The following FAM20A variants were observed in gnomAD, a reference collection of about 807,000 sequenced individuals.
FAM20A encodes pseudokinase FAM20A.
FAM20A carries 42 observed loss-of-function variants against 52.0 expected under a neutral mutation model. That is an observed-to-expected ratio of 0.81 (90% CI 0.63 to 1.04). The LOEUF is 1.04. FAM20A is among the 50% of genes least tolerant of loss of function. The pLI is 0.00. For missense variants in FAM20A, 742 were observed against 712.7 expected, an observed-to-expected ratio of 1.04 and a Z score of -0.47; for synonymous variants, 304 against 298.9, an observed-to-expected ratio of 1.02 and a Z score of -0.18.
chr17:68,549,638 C>G (rs2086740713), intron 4 of FAM20A, among the ~76,000 whole-genome samples: 1 of 152,162 alleles, frequency 6.6e-6, no homozygotes, highest in Non-Finnish European at 1.5e-5. Context: ...TCCTGTTTCT[C>G]TATCAGTATT....
intron 9 of FAM20A, 126 bp from the exon 10 acceptor site, chr17:68,539,522 T>C: frequency 1.2e-6 from 1 of 831,596 alleles, no homozygotes; most frequent in East Asian, 2.5e-5. Context: ...TCATGGCAGC[T>C]GCCTCTCCAG....
Position 68,550,712 on chromosome 17 carries a change from G to C in FAM20A, c.719+1161C>G, listed in dbSNP as rs1324426075. On this transcript the variant is annotated intron_variant, in intron 4 of 10. Coordinates refer to ENST00000592554, the MANE Select transcript of FAM20A (RefSeq NM_017565.4). Reference sequence around the variant, plus strand: ...CTCTTTATACGGCAGTGGTTCTCAAGGTTGCCTGGGCCTTGGGATCACGGG... The same window carrying C: ...CTCTTTATACGGCAGTGGTTCTCAACGTTGCCTGGGCCTTGGGATCACGGG... Among the ~76,000 whole-genome samples the C allele has an allele frequency of 2.0e-5, 3 of 152,148 alleles. No homozygotes were observed. In the East Asian group the frequency reaches 5.8e-4, roughly 29 times the overall value.
intron 9 of FAM20A, among the ~76,000 whole-genome samples, 185 bp from the exon 10 acceptor site, chr17:68,539,581 G>A (rs1232587506): frequency 1.3e-5 from 2 of 152,230 alleles, no homozygotes; most frequent in Non-Finnish European, 2.9e-5. Flanking sequence ...AGATGTTAGA[G>A]CTAAGCAATC....
chr17:68,567,226 A>G (rs1458714796), intron 1 of FAM20A, among the ~76,000 whole-genome samples: 1 of 151,914 alleles, frequency 6.6e-6, no homozygotes, highest in Non-Finnish European at 1.5e-5. Context: ...ACCTGCTGTT[A>G]TTGCACGAAA....
intron 3 of FAM20A, among the ~76,000 whole-genome samples, chr17:68,553,745 C>T (rs982985598): frequency 6.4e-4 from 95 of 149,586 alleles, no homozygotes; most frequent in African/African-American, 2.3e-3. Context: ...CATATATATA[C>T]ACATATATAT....
At chr17:68,569,332 A>G (rs1218071385) in intron 1 of FAM20A, among the ~76,000 whole-genome samples, 1 of 152,104 alleles carries the variant, frequency 6.6e-6, no homozygotes, top group Non-Finnish European at 1.5e-5. Context: ...CCATCACCCT[A>G]GCCTGTCACC....
intron 1 of FAM20A, among the ~76,000 whole-genome samples, chr17:68,583,233 T>C (rs1443232279): frequency 6.6e-6 from 1 of 152,196 alleles, no homozygotes; most frequent in Non-Finnish European, 1.5e-5. Context: ...ATCTTTCTAT[T>C]AGTTTTCTGT....
At chr17:68,587,015 C>T (rs1433010511) in intron 1 of FAM20A, among the ~76,000 whole-genome samples, 1 of 152,122 alleles carries the variant, frequency 6.6e-6, no homozygotes, top group Non-Finnish European at 1.5e-5. Context: ...CTCAGCCTCC[C>T]GAGTAGCTGG....
At chr17:68,553,164 C>T (rs1047345634) in intron 3 of FAM20A, among the ~76,000 whole-genome samples, 2 of 152,086 alleles carry the variant, frequency 1.3e-5, no homozygotes, top group Non-Finnish European at 2.9e-5. Context: ...TGAGTTCTCA[C>T]GAGATCTCAT....
intron 4 of FAM20A, among the ~76,000 whole-genome samples, chr17:68,546,056 C>T (rs1248496901): frequency 1.3e-5 from 2 of 151,250 alleles, no homozygotes; most frequent in Non-Finnish European, 2.9e-5. Flanking sequence ...GTAGTCCCAG[C>T]TACTTGGGAG....
At chr17:68,540,759 C>T in intron 8 of FAM20A, 90 bp downstream of exon 8, 1 of 1,493,406 alleles carries the variant, frequency 6.7e-7, no homozygotes, top group Non-Finnish European at 9.1e-7. Flanking sequence ...TCCTCATGAA[C>T]CAGGTTGTAA....
chr17:68,539,538 C>CT, intron 9 of FAM20A, 142 bp from the exon 10 acceptor site: 1 of 763,294 alleles, frequency 1.3e-6, no homozygotes, highest in Non-Finnish European at 2.3e-6. Context: ...TCCAGCCCCT[C>CT]TCCCCAGTCA....
chr17:68,576,009 C>T (rs879634236), intron 1 of FAM20A, among the ~76,000 whole-genome samples: 20 of 151,842 alleles, frequency 1.3e-4, no homozygotes, highest in Non-Finnish European at 2.8e-4. Flanking sequence ...TTCTTCATCT[C>T]ATCCCGAATT....
Position 68,541,769 on chromosome 17 carries a change from C to A in FAM20A, c.1109+216G>T, listed in dbSNP as rs962801264. The stretch of plus-strand genomic sequence containing the variant: ...CTTCCATTTCTGTATCCCATAACAC[C>A]TAGTGTTGGGTATATGGAAGGTTCT... On this transcript the variant is annotated intron_variant, in intron 7 of 10. Coordinates refer to ENST00000592554, the MANE Select transcript of FAM20A (RefSeq NM_017565.4). 7.5e-6 allele frequency: 4 copies of A among 534,160 alleles called. No homozygotes were observed. The Admixed American group carries it at 1.3e-4, about 17-fold the overall frequency. 33.1% of individuals were successfully genotyped at this position (534,160 alleles called of 1,614,324 possible). A position where few individuals can be genotyped will look rare whatever the true frequency, so the allele number is the denominator to read the frequency against.
chr17:68,554,214 T>G (rs541959925), intron 3 of FAM20A, among the ~76,000 whole-genome samples: 19 of 152,148 alleles, frequency 1.2e-4, no homozygotes, highest in Non-Finnish European at 2.4e-4. Context: ...CACTGCAAAC[T>G]CCACCTCCCA....
At chr17:68,595,649 T>C (rs2088432221) in intron 1 of FAM20A, among the ~76,000 whole-genome samples, 1 of 152,190 alleles carries the variant, frequency 6.6e-6, no homozygotes, top group Non-Finnish European at 1.5e-5. Context: ...CTTAGCATTG[T>C]TGGCGGGAGA....
chr17:68,593,664 C>A (rs1471192991), intron 1 of FAM20A, among the ~76,000 whole-genome samples: 1 of 152,168 alleles, frequency 6.6e-6, no homozygotes, highest in Non-Finnish European at 1.5e-5. Flanking sequence ...ACTAACAGCC[C>A]CCAAATCCTG....
chr17:68,541,111 GGA>G, intron 7 of FAM20A, 153 bp from the exon 8 acceptor site: 1 of 1,099,166 alleles, frequency 9.1e-7, no homozygotes, highest in Non-Finnish European at 1.3e-6. Context: ...CCCTGGGCAA[GGA>G]CGCGTAAGGC....
At chr17:68,549,164 G>A (rs2086716662) in intron 4 of FAM20A, among the ~76,000 whole-genome samples, 1 of 152,170 alleles carries the variant, frequency 6.6e-6, no homozygotes, top group African/African-American at 2.4e-5. Context: ...TGAGAGTGGA[G>A]CTCATCCATT....
Sources: allele counts gnomAD v4.1 joint callset (sites outside exome capture counted in the v4.1 genomes callset), GRCh38; gene constraint gnomAD v4.1.1; transcripts MANE v1.5; gene names NCBI Gene and HGNC (gene_info 2026-07-23, HGNC 2026-07-21).